Variants in ERI1 observed in about 807,000 individuals in gnomAD.
ERI1 encodes the protein 3'-5' exoribonuclease 1.
ERI1 carries 39 observed loss-of-function variants against 39.7 expected under a neutral mutation model. The observed-to-expected ratio is 0.98, with a 90% CI of 0.76 to 1.28. The LOEUF (loss-of-function observed/expected upper bound fraction) is 1.28. Among genes scored for constraint, ERI1 ranks in the 50% most tolerant of loss-of-function variants. ERI1 has a pLI of 0.00. For missense variants in ERI1, 581 were observed against 416.9 expected, an observed-to-expected ratio of 1.39 and a Z score of -3.43; for synonymous variants, 204 against 149.6, an observed-to-expected ratio of 1.36 and a Z score of -2.65.
At chr8:9,063,064 T>A (rs1798757982) in intron 3 of ERI1, among the ~76,000 whole-genome samples, 1 of 152,214 alleles carries the variant, frequency 6.6e-6, no homozygotes, top group Admixed American at 6.5e-5. Context: ...TTTATTATTG[T>A]ACACCTTGAA....
downstream of ERI1, among the ~76,000 whole-genome samples, chr8:9,037,338 C>G (rs1176207356): frequency 2.0e-5 from 3 of 152,180 alleles, no homozygotes; most frequent in Admixed American, 6.5e-5. Flanking sequence ...CAGTCTTATT[C>G]TCTTGATTCT....
chr8:9,031,137 A>G lies in ERI1; in HGVS notation c.*1103A>G, dbSNP rs962712625. 22 of 152,212 alleles carry G rather than the reference A, an allele frequency of 1.4e-4. No homozygotes were observed. Among genetic ancestry groups the G allele is most frequent in the African/African-American group, 5.3e-4 (22 of 41,466 alleles). 9.4% of individuals were successfully genotyped at this position (152,212 alleles called of 1,614,324 possible). A position where few individuals can be genotyped will look rare whatever the true frequency, so the allele number is the denominator to read the frequency against. Reference sequence around the variant, plus strand: ...TTCTCCTTGTAGCTTTCAGGGAACAATTTCATTGACATTGCTTGCTTCCTG... The same window carrying G: ...TTCTCCTTGTAGCTTTCAGGGAACAGTTTCATTGACATTGCTTGCTTCCTG... On this transcript the variant is annotated 3_prime_UTR_variant, in exon 7 of 7. Coordinates refer to ENST00000250263, the MANE Select transcript of ERI1 (RefSeq NM_153332.4).
At chr8:9,083,033 G>T (rs867208156) in intron 3 of ERI1, among the ~76,000 whole-genome samples, 8 of 152,058 alleles carry the variant, frequency 5.3e-5, no homozygotes, top group Non-Finnish European at 8.8e-5. Flanking sequence ...TGGGACATAA[G>T]TATACTAAAA....
intron 6 of ERI1, among the ~76,000 whole-genome samples, chr8:9,028,962 G>A (rs920628960): frequency 2.0e-5 from 3 of 149,062 alleles, no homozygotes; most frequent in Non-Finnish European, 4.4e-5. Flanking sequence ...TGGAATTTGG[G>A]GAGTGTGAGA....
In ERI1 at chr8:9,030,287, A is replaced by G. The variant is rs1797497555; in HGVS notation, c.*253A>G. The G allele has an allele frequency of 6.3e-6, 3 of 472,982 alleles. No individual in the cohort carries two copies. The highest frequency in any genetic ancestry group is 3.4e-5 in the East Asian group (1 of 29,194). 29.3% of individuals were successfully genotyped at this position (472,982 alleles called of 1,614,324 possible). A position where few individuals can be genotyped will look rare whatever the true frequency, so the allele number is the denominator to read the frequency against. ...CAGTTCCTGCTTACAACTGAATTTT[A>G]TAATTTAAGGTGTTCAAGATATATT... On this transcript the variant is annotated 3_prime_UTR_variant, in exon 7 of 7. Coordinates refer to ENST00000250263, the MANE Select transcript of ERI1 (RefSeq NM_153332.4).
chr8:9,059,932 G>C (rs1798637072), intron 3 of ERI1, among the ~76,000 whole-genome samples: 1 of 152,170 alleles, frequency 6.6e-6, no homozygotes, highest in African/African-American at 2.4e-5. Flanking sequence ...TGAGACTGGG[G>C]CTTAATAAAA....
chr8:9,047,876 C>A (rs576548349), intron 3 of ERI1, among the ~76,000 whole-genome samples: 1 of 152,330 alleles, frequency 6.6e-6, no homozygotes, highest in East Asian at 1.9e-4. Context: ...CACGAGTGCA[C>A]ACACGCCCAC....
Position 9,089,162 on chromosome 8 carries a change from A to C in ERI1, n.300-27186A>C, listed in dbSNP as rs983261284. ...CTCTCCTCTTTCCTTTTCTTCACTG[A>C]GTTTCTCTCACCTGTGCTTCTTTGT... On this transcript the variant is annotated intron_variant and non_coding_transcript_variant, in intron 3 of 3. Coordinates refer to the ERI1 transcript ENST00000518663. 3.3e-5 allele frequency among the ~76,000 whole-genome samples: 5 copies of C among 152,156 alleles called. No homozygotes were observed. In the East Asian group the frequency reaches 7.7e-4, roughly 23 times the overall value.
At chr8:9,026,552 T>G (rs377662373) in intron 6 of ERI1, among the ~76,000 whole-genome samples, 1 of 152,188 alleles carries the variant, frequency 6.6e-6, no homozygotes, top group Non-Finnish European at 1.5e-5. Flanking sequence ...TTGTATCATG[T>G]GTCAGAATTC....
intron 3 of ERI1, among the ~76,000 whole-genome samples, chr8:9,060,538 A>T (rs1481009972): frequency 7.2e-5 from 11 of 152,294 alleles, no homozygotes; most frequent in Non-Finnish European, 1.0e-4. Context: ...GATGGAAAGG[A>T]AATGAGAGGT....
At chr8:9,068,940 C>G (rs190728241) in intron 3 of ERI1, among the ~76,000 whole-genome samples, 150 of 152,260 alleles carry the variant, frequency 9.9e-4, no homozygotes, top group African/African-American at 3.5e-3. Flanking sequence ...CCTCAGCCCT[C>G]CCTAGTAGCT....
intron 3 of ERI1, among the ~76,000 whole-genome samples, chr8:9,064,329 C>T (rs1314440446): frequency 1.3e-5 from 2 of 151,970 alleles, no homozygotes; most frequent in African/African-American, 2.4e-5. Flanking sequence ...CCCAGAAAAG[C>T]GGTACTTGCC....
chr8:9,003,637 T>C (rs557560481), intron 1 of ERI1, among the ~76,000 whole-genome samples: 1 of 152,360 alleles, frequency 6.6e-6, no homozygotes, highest in African/African-American at 2.4e-5. Context: ...GAGCTTCGTC[T>C]TAGCTGCTTT....
chr8:9,016,479 T>TA (rs1479388397), intron 4 of ERI1, 74 bp downstream of exon 4: 2 of 857,698 alleles, frequency 2.3e-6, no homozygotes, highest in Admixed American at 2.6e-5. Flanking sequence ...ATACATAATT[T>TA]AAAAAAATTA....
chr8:9,014,785 G>A lies in ERI1; in HGVS notation c.499-1537G>A, dbSNP rs28398439. Among the ~76,000 whole-genome samples the A allele has an allele frequency of 8.0e-3, 1,212 of 152,302 alleles. 16 individuals carry two copies. The highest frequency in any genetic ancestry group is 0.028 in the African/African-American group (1,164 of 41,554). On this transcript the variant is annotated intron_variant, in intron 3 of 6. Transcript: ENST00000250263. ...ATATGCAGTTAAGTGGAATGTTGCA[G>A]TGTATCCGGTAAGAGTGTCTAACTT...
chr8:9,004,064 T>C, intron 1 of ERI1: 1 of 1,289,146 alleles, frequency 7.8e-7, no homozygotes, highest in Non-Finnish European at 1.0e-6. Flanking sequence ...TTTTTCCCTT[T>C]TGTTCCCAGT....
chr8:9,021,149 A>G (rs1247224591), intron 6 of ERI1, among the ~76,000 whole-genome samples: 2 of 152,038 alleles, frequency 1.3e-5, no homozygotes, highest in African/African-American at 4.8e-5. Flanking sequence ...GACTATGGAG[A>G]GTGTCCACAA....
chr8:9,011,878 C>A, intron 3 of ERI1, 126 bp downstream of exon 3: 1 of 648,694 alleles, frequency 1.5e-6, no homozygotes, highest in Non-Finnish European at 2.5e-6. Context: ...TTTTCTTTGC[C>A]ATGAACTTTA....
At chr8:9,037,666 C>T (rs888388637), downstream of ERI1, among the ~76,000 whole-genome samples, 5 of 152,038 alleles carry the variant, frequency 3.3e-5, no homozygotes, top group South Asian at 2.1e-4. Context: ...CAAAAGGTAG[C>T]GTAAGTCCTG....
Sources: allele counts gnomAD v4.1 joint callset (sites outside exome capture counted in the v4.1 genomes callset), GRCh38; gene constraint gnomAD v4.1.1; transcripts MANE v1.5; gene names NCBI Gene and HGNC (gene_info 2026-07-23, HGNC 2026-07-21).